RNF216: variants seen among roughly 807,000 people sequenced by gnomAD.
RNF216 encodes E3 ubiquitin-protein ligase RNF216.
Under a neutral mutation model 110.8 loss-of-function variants are expected in RNF216, and 72 were observed. That is an observed-to-expected ratio of 0.65 (90% CI 0.54 to 0.79). RNF216 has a LOEUF of 0.79. RNF216 is among the 30% of genes least tolerant of loss of function. RNF216 has a pLI of 0.00. For synonymous variants in RNF216, 495 were observed against 407.5 expected (o/e 1.21, Z -2.59); for missense variants, 1,342 against 1,141.2 (o/e 1.18, Z -2.54).
chr7:5,768,298 A>G (rs1796309741), intron 1 of RNF216, among the ~76,000 whole-genome samples: 1 of 141,714 alleles, frequency 7.1e-6, no homozygotes, highest in South Asian at 2.3e-4. Context: ...TAGGGGGAAA[A>G]AAAAAAAAAA....
chr7:5,675,713 T>C (rs1398970541), intron 13 of RNF216, among the ~76,000 whole-genome samples: 1 of 145,480 alleles, frequency 6.9e-6, no homozygotes, highest in Non-Finnish European at 1.5e-5. Flanking sequence ...CTATTCAAAT[T>C]CTTTTTTTTT....
chr7:5,715,736 C>CTTTTTTTTTT (rs58929486), intron 10 of RNF216, among the ~76,000 whole-genome samples: 1 of 113,806 alleles, frequency 8.8e-6, no homozygotes, highest in African/African-American at 3.3e-5. Context: ...CCAACTCATT[C>CTTTTTTTTTT]TTTTTTTTTT....
At chr7:5,662,902 TACAGGGA>T (rs1562801867) in intron 13 of RNF216, among the ~76,000 whole-genome samples, 1 of 151,772 alleles carries the variant, frequency 6.6e-6, no homozygotes, top group East Asian at 1.9e-4. Context: ...GCGTTCCAGG[TACAGGGA>T]ATGCAAGCAG....
intron 1 of RNF216, among the ~76,000 whole-genome samples, chr7:5,773,489 C>A (rs1796609961): frequency 6.6e-6 from 1 of 152,078 alleles, no homozygotes; most frequent in African/African-American, 2.4e-5. Flanking sequence ...GATTTCCCCG[C>A]CTTGGTCTCC....
At chr7:5,672,233 G>A (rs892853194) in intron 13 of RNF216, among the ~76,000 whole-genome samples, 6 of 152,182 alleles carry the variant, frequency 3.9e-5, no homozygotes, top group Non-Finnish European at 8.8e-5. Flanking sequence ...GAATGCCACC[G>A]ATTTATTTTC....
chr7:5,694,941 C>A (rs1305643394), intron 13 of RNF216, among the ~76,000 whole-genome samples: 1 of 152,074 alleles, frequency 6.6e-6, no homozygotes. Context: ...TTCCAAAGAC[C>A]CTGGTTAACT....
intron 13 of RNF216, among the ~76,000 whole-genome samples, chr7:5,688,817 A>C (rs945089611): frequency 6.6e-6 from 1 of 152,162 alleles, no homozygotes; most frequent in Non-Finnish European, 1.5e-5. Flanking sequence ...TTAGTGAAAG[A>C]GTTGCTCTTA....
intron 2 of RNF216, among the ~76,000 whole-genome samples, chr7:5,755,338 A>G (rs560055833): frequency 1.3e-5 from 2 of 152,308 alleles, no homozygotes; most frequent in African/African-American, 4.8e-5. Flanking sequence ...TAAGGTTCCA[A>G]TTAGCTTTTC....
At chr7:5,697,815 T>C (rs1190170152) in intron 13 of RNF216, among the ~76,000 whole-genome samples, 2 of 152,010 alleles carry the variant, frequency 1.3e-5, no homozygotes, top group Non-Finnish European at 2.9e-5. Flanking sequence ...GGGTGAAAAG[T>C]AGGTTTTTAT....
At chr7:5,644,815 TTTTC>T (rs937052057) in intron 14 of RNF216, among the ~76,000 whole-genome samples, 8 of 148,368 alleles carry the variant, frequency 5.4e-5, no homozygotes, top group Non-Finnish European at 8.9e-5. Flanking sequence ...TGTTTGCCTA[TTTTC>T]TTTTTTTCTT....
In RNF216 at chr7:5,620,686, G is replaced by C. The variant is rs1644765285; in HGVS notation, c.*2174C>G. On this transcript the variant is annotated 3_prime_UTR_variant, in exon 17 of 17. Transcript: ENST00000389902. ...CTCAAATGACCCACCCCTGGGGTTTGGCCTTAGGAGAAACATCACTCTGGG... is the reference window on the plus strand; with the variant it reads ...CTCAAATGACCCACCCCTGGGGTTTCGCCTTAGGAGAAACATCACTCTGGG... 2 of 152,338 alleles carry C rather than the reference G, an allele frequency of 1.3e-5. No individual in the cohort carries two copies. Among genetic ancestry groups the C allele is most frequent in the African/African-American group, 4.8e-5 (2 of 41,450 alleles). The allele number at this position is 152,338 out of a possible 1,614,324, so 9.4% of individuals were successfully genotyped here.
chr7:5,704,102 A>G (rs1022245372), intron 13 of RNF216, among the ~76,000 whole-genome samples: 1 of 152,206 alleles, frequency 6.6e-6, no homozygotes, highest in African/African-American at 2.4e-5. Context: ...GCATTCCATC[A>G]TATCAATGAA....
chr7:5,732,215 C>A (rs545383651), intron 5 of RNF216, among the ~76,000 whole-genome samples: 53 of 152,320 alleles, frequency 3.5e-4, no homozygotes, highest in African/African-American at 1.1e-3. Flanking sequence ...CTGGTGTGCA[C>A]TGAGGTTATG....
chr7:5,685,005 G>A (rs979727861), intron 13 of RNF216, among the ~76,000 whole-genome samples: 1 of 152,134 alleles, frequency 6.6e-6, no homozygotes, highest in Non-Finnish European at 1.5e-5. Flanking sequence ...CACAGCATAG[G>A]TGGAGGGGTG....
intron 13 of RNF216, among the ~76,000 whole-genome samples, chr7:5,705,763 C>T (rs1242800226): frequency 2.6e-5 from 4 of 152,080 alleles, no homozygotes; most frequent in African/African-American, 9.6e-5. Context: ...CAACATTAGC[C>T]GGGCGTGGTG....
intron 8 of RNF216, among the ~76,000 whole-genome samples, chr7:5,721,547 C>T (rs1365361426): frequency 1.3e-5 from 2 of 152,120 alleles, no homozygotes; most frequent in African/African-American, 4.8e-5. Flanking sequence ...AATGTATGTC[C>T]GCAATTTACC....
At chr7:5,779,828 C>CAAAAA (rs35798344) in intron 1 of RNF216, among the ~76,000 whole-genome samples, 3 of 51,238 alleles carry the variant, frequency 5.9e-5, no homozygotes, top group Non-Finnish European at 1.1e-4. Flanking sequence ...GACTCCGCCT[C>CAAAAA]AAAAAAAAAA....
At chr7:5,652,551 T>C (rs1274456706) in intron 13 of RNF216, 41 bp from the exon 14 acceptor site, 3 of 1,329,962 alleles carry the variant, frequency 2.3e-6, no homozygotes, top group African/African-American at 1.4e-5. Context: ...TCCTGGTGAG[T>C]GGACACCACA....
intron 9 of RNF216, among the ~76,000 whole-genome samples, chr7:5,718,154 G>T (rs941303994): frequency 2.0e-5 from 3 of 152,230 alleles, no homozygotes; most frequent in South Asian, 2.1e-4. Context: ...GCCAAGGTGG[G>T]GGGATTGCTT....
Sources: allele counts gnomAD v4.1 joint callset (sites outside exome capture counted in the v4.1 genomes callset), GRCh38; gene constraint gnomAD v4.1.1; transcripts MANE v1.5; gene names NCBI Gene and HGNC (gene_info 2026-07-23, HGNC 2026-07-21).